The following KCNH5 variants were observed in gnomAD, a reference collection of about 807,000 sequenced individuals.
KCNH5 encodes the protein potassium voltage-gated channel subfamily H member 5.
KCNH5 carries 46 observed loss-of-function variants against 96.1 expected under a neutral mutation model. The ratio of observed to expected loss-of-function variants is 0.48; its 90% CI spans 0.38 to 0.61. KCNH5 has a LOEUF of 0.61. Ranked by LOEUF, KCNH5 falls within the 20% of genes least tolerant of loss-of-function variation. The probability of loss-of-function intolerance (pLI) is 0.00; values close to 1 mark genes in which losing one functional copy is unlikely to be tolerated. For missense variants in KCNH5, 907 were observed against 1,225.8 expected (o/e 0.74, Z 3.88); for synonymous variants, 439 against 449.8 (o/e 0.98, Z 0.30).
chr14:62,796,181 G>C (rs147554786), intron 9 of KCNH5, among the ~76,000 whole-genome samples: 3 of 152,118 alleles, frequency 2.0e-5, no homozygotes, highest in African/African-American at 7.2e-5. Flanking sequence ...GAAGATTATT[G>C]TGGTGGCAGC....
At chr14:62,857,819 C>A (rs1200045612) in intron 7 of KCNH5, among the ~76,000 whole-genome samples, 2 of 152,276 alleles carry the variant, frequency 1.3e-5, no homozygotes, top group South Asian at 4.1e-4. Flanking sequence ...AGGATCAATA[C>A]TTTGCATCCT....
chr14:62,824,511 T>G (rs1165298164), intron 8 of KCNH5, among the ~76,000 whole-genome samples: 1 of 152,122 alleles, frequency 6.6e-6, no homozygotes, highest in Non-Finnish European at 1.5e-5. Flanking sequence ...TTTTTTACTT[T>G]AGCAATAAAA....
chr14:63,017,145 C>T (rs924770738), intron 1 of KCNH5, among the ~76,000 whole-genome samples, 191 bp from the exon 2 acceptor site: 2 of 151,908 alleles, frequency 1.3e-5, no homozygotes, highest in African/African-American at 2.4e-5. Flanking sequence ...CAATAAATAT[C>T]GAATTTATAT....
intron 10 of KCNH5, among the ~76,000 whole-genome samples, chr14:62,748,107 G>C (rs1885417781): frequency 6.6e-6 from 1 of 152,088 alleles, no homozygotes; most frequent in African/African-American, 2.4e-5. Flanking sequence ...AAGAATTCAG[G>C]GTGAGTCCAC....
chr14:62,849,749 G>T lies in KCNH5; in HGVS notation c.1473C>A (p.Phe491Leu). ...CTTTTGGGACCTGATAGAGTTTTAGGAAGTCCCGTACATTATTCAGCATCT... is the reference window on the plus strand; with the variant it reads ...CTTTTGGGACCTGATAGAGTTTTAGTAAGTCCCGTACATTATTCAGCATCT... ...YHEMLNNVRD[F>L]LKLYQVPKGL... The change falls in exon 8 of 11, where the codon TTC becomes TTA. Residue 491 changes from phenylalanine (F) to leucine (L), a missense_variant. Around this residue, in one of 6 missense-constraint regions of KCNH5, gnomAD observed 95 missense variants for 111.8 expected, o/e 0.85. Transcript: ENST00000322893. 6.2e-7 allele frequency: 1 copy of T among 1,613,790 alleles called. No individual in the cohort carries two copies. Among genetic ancestry groups the T allele is most frequent in the South Asian group, 1.1e-5 (1 of 91,068 alleles).
At position 62,952,619 on chromosome 14, in the gene KCNH5, T is replaced by C. The variant is rs187210650; in HGVS notation, c.943-2060A>G. Among the ~76,000 whole-genome samples the C allele has an allele frequency of 2.7e-3, 411 of 152,356 alleles. 2 individuals carry two copies. The highest frequency in any genetic ancestry group is 9.5e-3 in the African/African-American group (393 of 41,584). ...TTAAAGGAACTTTGGGACTTCTGTT[T>C]AAATACTGCATAGAAAAGTCATTTC... On this transcript the variant is annotated intron_variant, in intron 6 of 10. Transcript: ENST00000322893.
At chr14:63,031,640 T>C (rs751304188) in intron 1 of KCNH5, among the ~76,000 whole-genome samples, 1 of 152,166 alleles carries the variant, frequency 6.6e-6, no homozygotes, top group Non-Finnish European at 1.5e-5. Context: ...CTGGCAGTTA[T>C]GTAGGATAAA....
chr14:62,968,108 T>A (rs1275338270), intron 6 of KCNH5, among the ~76,000 whole-genome samples: 1 of 152,206 alleles, frequency 6.6e-6, no homozygotes. Flanking sequence ...AGGAAGTCTA[T>A]CTTTAAAGCT....
rs376833090 is a variant in KCNH5, at chr14:63,045,095, G to C, written c.73+19C>G. On this transcript the variant is annotated intron_variant, in intron 1 of 10. Transcript: ENST00000322893. ...GGCGGGATGGAGGTGGGGGTGTTCT[G>C]AACTACAACTCTCCTTACCACTGGA... The C allele has an allele frequency of 3.1e-6, 5 of 1,605,326 alleles. No individual in the cohort carries two copies. In the African/African-American group the frequency reaches 6.7e-5, roughly 21 times the overall value.
intron 7 of KCNH5, among the ~76,000 whole-genome samples, chr14:62,884,424 C>T (rs986310898): frequency 1.3e-5 from 2 of 152,170 alleles, no homozygotes; most frequent in Non-Finnish European, 2.9e-5. Flanking sequence ...CAGGAGTTCA[C>T]GACCAGCCCT....
At chr14:62,747,135 A>G (rs1414223508) in intron 10 of KCNH5, among the ~76,000 whole-genome samples, 2 of 152,200 alleles carry the variant, frequency 1.3e-5, no homozygotes, top group South Asian at 2.1e-4. Flanking sequence ...GGAGTTCAAG[A>G]CCAGCCTGGC....
intron 5 of KCNH5, among the ~76,000 whole-genome samples, chr14:62,982,547 C>T (rs185526725): frequency 6.6e-6 from 1 of 152,244 alleles, no homozygotes; most frequent in African/African-American, 2.4e-5. Flanking sequence ...ATCATAAATG[C>T]ATTAAATATT....
chr14:62,827,697 C>G (rs1429251056), intron 8 of KCNH5, among the ~76,000 whole-genome samples: 1 of 152,044 alleles, frequency 6.6e-6, no homozygotes, highest in African/African-American at 2.4e-5. Context: ...TTTTATGATA[C>G]TTTAAAATCA....
chr14:62,919,067 C>A (rs761890048), intron 7 of KCNH5, among the ~76,000 whole-genome samples: 41 of 151,984 alleles, frequency 2.7e-4, no homozygotes, highest in Non-Finnish European at 5.0e-4. Context: ...AGAAAAATAT[C>A]CATGACACAC....
At chr14:62,718,110 T>G (rs1884724271) in intron 10 of KCNH5, among the ~76,000 whole-genome samples, 1 of 152,064 alleles carries the variant, frequency 6.6e-6, no homozygotes, top group Non-Finnish European at 1.5e-5. Flanking sequence ...CACTGGGGAC[T>G]CTAAAAGAGA....
chr14:62,864,411 T>G (rs553584326), intron 7 of KCNH5, among the ~76,000 whole-genome samples: 1 of 152,194 alleles, frequency 6.6e-6, no homozygotes, highest in Admixed American at 6.5e-5. Flanking sequence ...CTCTAGAACC[T>G]GAAACCACTG....
intron 3 of KCNH5, among the ~76,000 whole-genome samples, chr14:63,004,300 C>A (rs901102013): frequency 1.3e-5 from 2 of 152,118 alleles, no homozygotes; most frequent in South Asian, 2.1e-4. Context: ...ATGGATAACA[C>A]CTATCCTTCA....
At position 62,977,997 on chromosome 14, in the gene KCNH5, C is replaced by T. The variant is rs1890533604; in HGVS notation, c.942+2875G>A. Among the ~76,000 whole-genome samples, 3 of 152,160 alleles carry T rather than the reference C, an allele frequency of 2.0e-5. No homozygotes were observed. In the South Asian group the frequency reaches 6.2e-4, roughly 32 times the overall value. Reference sequence around the variant, plus strand: ...AGTTATGGACAAGTTATAGTATTCCCACCATACTCAGACACTGACGGGGAA... The same window carrying T: ...AGTTATGGACAAGTTATAGTATTCCTACCATACTCAGACACTGACGGGGAA... On this transcript the variant is annotated intron_variant, in intron 6 of 10. Coordinates refer to ENST00000322893, the MANE Select transcript of KCNH5 (RefSeq NM_139318.5).
At chr14:62,891,312 A>G (rs1043729676) in intron 7 of KCNH5, among the ~76,000 whole-genome samples, 3 of 152,246 alleles carry the variant, frequency 2.0e-5, no homozygotes, top group Admixed American at 6.5e-5. Flanking sequence ...GGAACAGATA[A>G]CCAAATACCG....
Sources: allele counts gnomAD v4.1 joint callset (sites outside exome capture counted in the v4.1 genomes callset), GRCh38; gene constraint gnomAD v4.1.1; regional missense constraint gnomAD v4.1.1; transcripts MANE v1.5; gene names NCBI Gene and HGNC (gene_info 2026-07-23, HGNC 2026-07-21).